TLCD4: variants seen among roughly 807,000 people sequenced by gnomAD.
TLCD4 encodes the protein TLC domain containing 4.
Under a neutral mutation model 24.2 loss-of-function variants are expected in TLCD4, and 7 were observed. The ratio of observed to expected loss-of-function variants is 0.29; its 90% CI spans 0.16 to 0.54. The LOEUF (loss-of-function observed/expected upper bound fraction) is 0.54. Among genes scored for constraint, TLCD4 ranks in the 20% least tolerant of loss-of-function variants. TLCD4 has a pLI of 0.95. For missense variants in TLCD4, 259 were observed against 313.9 expected (o/e 0.82, Z 1.32); for synonymous variants, 103 against 106.4 (o/e 0.97, Z 0.20).
the TLCD4 span, among the ~76,000 whole-genome samples, chr1:95,110,808 G>T: frequency 3.4e-5 from 5 of 144,936 alleles, no homozygotes; most frequent in African/African-American, 1.3e-4. Flanking sequence ...AGTGAGCTGA[G>T]ATTGCCCCAT....
intron 1 of TLCD4, among the ~76,000 whole-genome samples, chr1:95,121,516 G>A (rs1676568910): frequency 6.6e-6 from 1 of 152,222 alleles, no homozygotes; most frequent in Non-Finnish European, 1.5e-5. Context: ...TGTCACCCAG[G>A]CTGGCGTGTA....
the TLCD4 span, among the ~76,000 whole-genome samples, chr1:95,109,052 G>T: frequency 6.6e-3 from 1,008 of 152,246 alleles, 6 homozygotes; most frequent in African/African-American, 0.022. Context: ...TTAGGGGCAC[G>T]TGCAGTGGCT....
the TLCD4 span, among the ~76,000 whole-genome samples, chr1:95,092,608 G>A: frequency 2.0e-5 from 3 of 152,160 alleles, no homozygotes; most frequent in South Asian, 4.1e-4. Flanking sequence ...CACTCACCGC[G>A]AAGGTCTGCA....
At position 95,177,165 on chromosome 1, in the gene TLCD4, T is replaced by A. The variant is rs181916242; in HGVS notation, c.473+3276T>A. Among the ~76,000 whole-genome samples the A allele has an allele frequency of 7.9e-5, 12 of 152,350 alleles. No homozygotes were observed. In the East Asian group the frequency reaches 1.2e-3, roughly 15 times the overall value. ...CTCCATATGCCTTCAGCCTCTTTTT[T>A]AAAATTATTCATTAGAATCAGTTTT... On this transcript the variant is annotated intron_variant, in intron 6 of 6. Coordinates refer to ENST00000370203, the MANE Select transcript of TLCD4 (RefSeq NM_152487.3).
At chr1:95,162,885 G>C (rs998315812) in intron 5 of TLCD4, among the ~76,000 whole-genome samples, 1 of 152,176 alleles carries the variant, frequency 6.6e-6, no homozygotes, top group Non-Finnish European at 1.5e-5. Flanking sequence ...TTAGTCTGTT[G>C]GGCTTCCCTT....
At chr1:95,158,147 T>G (rs1677682722) in intron 5 of TLCD4, among the ~76,000 whole-genome samples, 1 of 152,004 alleles carries the variant, frequency 6.6e-6, no homozygotes, top group Non-Finnish European at 1.5e-5. Flanking sequence ...TTAAGTATTC[T>G]TATTTCTGGT....
intron 1 of TLCD4, among the ~76,000 whole-genome samples, chr1:95,139,247 T>C (rs779719455): frequency 6.6e-6 from 1 of 151,090 alleles, no homozygotes; most frequent in African/African-American, 2.4e-5. Flanking sequence ...TGAATGGAGC[T>C]TGCAGGACTA....
At chr1:95,122,392 G>T (rs780895833) in intron 1 of TLCD4, among the ~76,000 whole-genome samples, 1 of 152,078 alleles carries the variant, frequency 6.6e-6, no homozygotes, top group Non-Finnish European at 1.5e-5. Flanking sequence ...AAAAGTACAC[G>T]GGTATCAGAG....
chr1:95,187,405 G>A (rs75069858), intron 6 of TLCD4, among the ~76,000 whole-genome samples: 18,214 of 152,136 alleles, frequency 0.12, 1,073 homozygotes, highest in Middle Eastern at 0.16. Flanking sequence ...GGCTGTGATC[G>A]TTTCTCAGAT....
At chr1:95,173,624 C>T (rs1324767741) in intron 5 of TLCD4, among the ~76,000 whole-genome samples, 192 bp from the exon 6 acceptor site, 1 of 152,206 alleles carries the variant, frequency 6.6e-6, no homozygotes, top group Non-Finnish European at 1.5e-5. Context: ...TTTAAAAATA[C>T]TGTAGAATTC....
At chr1:95,128,286 C>T (rs188905210) in intron 1 of TLCD4, among the ~76,000 whole-genome samples, 2 of 152,128 alleles carry the variant, frequency 1.3e-5, no homozygotes, top group East Asian at 3.9e-4. Flanking sequence ...TGGCTTCATT[C>T]TGCTTGTTAA....
At chr1:95,117,840 G>T (rs535795748) in intron 1 of TLCD4, 2 of 151,360 alleles carry the variant, frequency 1.3e-5, no homozygotes, top group South Asian at 2.1e-4. Context: ...GTGTGCGGAA[G>T]GCTCAGCATC....
At chr1:95,189,269 T>C (rs1678942231) in intron 6 of TLCD4, among the ~76,000 whole-genome samples, 1 of 152,206 alleles carries the variant, frequency 6.6e-6, no homozygotes, top group Non-Finnish European at 1.5e-5. Context: ...TCTTATAGTC[T>C]CCATCTTTGA....
At chr1:95,150,348 G>A in intron 4 of TLCD4, 82 bp downstream of exon 4, 2 of 1,525,638 alleles carry the variant, frequency 1.3e-6, no homozygotes, top group Non-Finnish European at 1.8e-6. Flanking sequence ...CTATGCTTTT[G>A]GTTTATTTGA....
At chr1:95,182,264 GTTT>G (rs769720484) in intron 6 of TLCD4, among the ~76,000 whole-genome samples, 1 of 146,944 alleles carries the variant, frequency 6.8e-6, no homozygotes, top group Non-Finnish European at 1.5e-5. Flanking sequence ...ATAGTTTATT[GTTT>G]TTTGTTTTTT....
chr1:95,180,045 A>G (rs1678578941), intron 6 of TLCD4, among the ~76,000 whole-genome samples: 1 of 152,222 alleles, frequency 6.6e-6, no homozygotes, highest in South Asian at 2.1e-4. Context: ...CATTAGATCA[A>G]GGGCCAAATT....
chr1:95,097,618 AG>A, the TLCD4 span, among the ~76,000 whole-genome samples: 1 of 152,212 alleles, frequency 6.6e-6, no homozygotes, highest in Non-Finnish European at 1.5e-5. Context: ...AATACCTAAG[AG>A]GTGTGTGTGA....
chr1:95,124,278 A>T (rs1676651658), intron 1 of TLCD4, among the ~76,000 whole-genome samples: 1 of 152,198 alleles, frequency 6.6e-6, no homozygotes, highest in African/African-American at 2.4e-5. Context: ...TCCTTACTAA[A>T]AGTTCTGGCT....
chr1:95,139,315 AT>A (rs1279218460), intron 1 of TLCD4, among the ~76,000 whole-genome samples: 7 of 152,044 alleles, frequency 4.6e-5, no homozygotes, highest in African/African-American at 1.7e-4. Flanking sequence ...GGGCTAGGAC[AT>A]TACTGAACAT....
Sources: allele counts gnomAD v4.1 joint callset (sites outside exome capture counted in the v4.1 genomes callset), GRCh38; gene constraint gnomAD v4.1.1; transcripts MANE v1.5; gene names NCBI Gene and HGNC (gene_info 2026-07-23, HGNC 2026-07-21).